AFAP1L2: variants seen among roughly 807,000 people sequenced by gnomAD.
AFAP1L2 encodes actin filament associated protein 1 like 2.
AFAP1L2 carries 46 observed loss-of-function variants against 99.3 expected under a neutral mutation model. That is an observed-to-expected ratio of 0.46 (90% CI 0.37 to 0.59). The LOEUF (loss-of-function observed/expected upper bound fraction) is 0.59. Among genes scored for constraint, AFAP1L2 ranks in the 20% least tolerant of loss-of-function variants. The pLI, the probability that AFAP1L2 is intolerant of heterozygous loss-of-function variation, is 0.00. For synonymous variants in AFAP1L2, 397 were observed against 419.1 expected (o/e 0.95, Z 0.64); for missense variants, 959 against 1,034.9 (o/e 0.93, Z 1.01).
intron 1 of AFAP1L2, among the ~76,000 whole-genome samples, chr10:114,366,972 A>C (rs1415899789): frequency 2.0e-5 from 3 of 152,286 alleles, no homozygotes; most frequent in Admixed American, 6.5e-5. Flanking sequence ...TGTCTCAAAA[A>C]AACAACAACA....
chr10:114,339,315 C>T (rs1052765145), intron 2 of AFAP1L2, among the ~76,000 whole-genome samples: 4 of 152,058 alleles, frequency 2.6e-5, no homozygotes, highest in African/African-American at 9.7e-5. Flanking sequence ...GGCGCAGTGG[C>T]GGGCGCCTGT....
chr10:114,378,831 G>C (rs558921088), intron 1 of AFAP1L2, among the ~76,000 whole-genome samples: 1 of 152,314 alleles, frequency 6.6e-6, no homozygotes, highest in South Asian at 2.1e-4. Context: ...TACCTGTCTA[G>C]CTCCTCCACC....
chr10:114,310,961 C>CCACA (rs1564826988), intron 7 of AFAP1L2, among the ~76,000 whole-genome samples: 1 of 145,330 alleles, frequency 6.9e-6, no homozygotes. Context: ...CGCCACCCAC[C>CCACA]CGCCCGCCCG....
At chr10:114,404,765 C>T (rs2058568261), upstream of AFAP1L2, 11 of 306,752 alleles carry the variant, frequency 3.6e-5, no homozygotes, top group South Asian at 1.2e-3. Flanking sequence ...ACTCCCTTCA[C>T]GTCTTGACTC....
intron 2 of AFAP1L2, among the ~76,000 whole-genome samples, chr10:114,339,282 T>C (rs2048425505): frequency 6.6e-6 from 1 of 151,926 alleles, no homozygotes; most frequent in South Asian, 2.1e-4. Flanking sequence ...CCGTCTCTAC[T>C]AAAAAATATA....
chr10:114,404,609 C>T, upstream of AFAP1L2: 2 of 1,146,290 alleles, frequency 1.7e-6, no homozygotes, highest in Non-Finnish European at 2.2e-6. Flanking sequence ...GTCCTCGGAC[C>T]TGGCCCCCGC....
chr10:114,361,578 AGGACACCTCTGGTGCT>A (rs1441239751), intron 1 of AFAP1L2, among the ~76,000 whole-genome samples: 2 of 152,204 alleles, frequency 1.3e-5, no homozygotes, highest in Non-Finnish European at 2.9e-5. Flanking sequence ...CAGAGAGGCT[AGGACACCTCTGGTGCT>A]GGGTTTGCAA....
At chr10:114,393,933 C>A (rs902319126) in intron 1 of AFAP1L2, among the ~76,000 whole-genome samples, 2 of 152,214 alleles carry the variant, frequency 1.3e-5, no homozygotes, top group African/African-American at 4.8e-5. Flanking sequence ...TTCTCATGCT[C>A]CCCCTGGGAG....
At chr10:114,381,437 T>C (rs1280458527) in intron 1 of AFAP1L2, among the ~76,000 whole-genome samples, 5 of 152,178 alleles carry the variant, frequency 3.3e-5, no homozygotes, top group South Asian at 2.1e-4. Flanking sequence ...AGGTTTTTTA[T>C]TGAGATGATG....
rs368162086 is a variant in AFAP1L2 at position 114,305,258 on chromosome 10, T to C, written c.1073-328A>G. The C allele has an allele frequency of 5.7e-4, 61 of 106,864 alleles. 1 individual carries two copies. The East Asian group carries it at 9.9e-3, about 17-fold the overall frequency. The allele number at this position is 106,864 out of a possible 1,614,324, so 6.6% of individuals were successfully genotyped here. Reference sequence around the variant, plus strand: ...GGGGGCGGGGCTGCGGGAGGAGACGTGGATGTGGGAGGGCACGCGGATGCA... The same window carrying C: ...GGGGGCGGGGCTGCGGGAGGAGACGCGGATGTGGGAGGGCACGCGGATGCA... On this transcript the variant is annotated intron_variant, in intron 10 of 18. Coordinates refer to ENST00000304129, the MANE Select transcript of AFAP1L2 (RefSeq NM_001001936.3).
intron 7 of AFAP1L2, among the ~76,000 whole-genome samples, chr10:114,312,991 C>G (rs1021019160): frequency 1.3e-5 from 2 of 152,056 alleles, no homozygotes; most frequent in East Asian, 1.9e-4. Context: ...TGTTTTACCA[C>G]AGCGGTCCAG....
intron 1 of AFAP1L2, among the ~76,000 whole-genome samples, chr10:114,391,194 C>T (rs918005477): frequency 1.3e-5 from 2 of 152,028 alleles, no homozygotes; most frequent in Non-Finnish European, 2.9e-5. Context: ...GCAAACATTT[C>T]TCATTCAGTT....
intron 1 of AFAP1L2, among the ~76,000 whole-genome samples, chr10:114,368,767 AACACACACAC>A (rs34854872): frequency 0.13 from 18,661 of 140,634 alleles, 1,271 homozygotes; most frequent in Admixed American, 0.19. Flanking sequence ...GTGTCCTTAC[AACACACACAC>A]ACACACACAC....
rs116918534 is a variant in AFAP1L2, at chr10:114,301,051, G to A, written c.1542+303C>T. ...GGTGTGATCATCCCACTCAACAACC[G>A]ATTTGGACCTGGAAGCCTACTGGTA... is the stretch of plus-strand genomic sequence containing the variant. On this transcript the variant is annotated intron_variant, in intron 13 of 18. Coordinates refer to ENST00000304129, the MANE Select transcript of AFAP1L2 (RefSeq NM_001001936.3). Among the ~76,000 whole-genome samples the A allele has an allele frequency of 1.1e-3, 172 of 152,236 alleles. 1 individual carries two copies. The highest frequency in any genetic ancestry group is 2.0e-3 in the Non-Finnish European group (139 of 68,022).
Position 114,377,279 on chromosome 10 carries a change from A to C in AFAP1L2, c.16+27161T>G, listed in dbSNP as rs1295581145. ...TTTTACCAGAGTATCTGGAAAGCCT[A>C]GTAGAAATATTCTGCCTTAAAACCC... On this transcript the variant is annotated intron_variant, in intron 1 of 18. Transcript: ENST00000304129. This position sits in a 1 kb window ranked among gnomAD's most constrained non-coding sequence, Gnocchi z 4.0. Among the ~76,000 whole-genome samples the C allele has an allele frequency of 6.6e-6, 1 of 152,240 alleles. No homozygotes were observed. The highest frequency in any genetic ancestry group is 1.5e-5 in the Non-Finnish European group (1 of 68,040).
At chr10:114,284,923 G>C in the AFAP1L2 span, 6 of 1,605,364 alleles carry the variant, frequency 3.7e-6, no homozygotes, top group Non-Finnish European at 4.2e-6. Context: ...GGACTGGACG[G>C]CTACCAGTGC....
intron 1 of AFAP1L2, among the ~76,000 whole-genome samples, chr10:114,363,574 G>T (rs1001936991): frequency 1.3e-5 from 2 of 152,178 alleles, no homozygotes. Flanking sequence ...GATTTTATTA[G>T]CCAATTGTAA....
At chr10:114,345,472 T>C (rs998393528) in intron 1 of AFAP1L2, among the ~76,000 whole-genome samples, 19 of 152,184 alleles carry the variant, frequency 1.2e-4, no homozygotes, top group African/African-American at 4.6e-4. Flanking sequence ...CATTAGTGCA[T>C]ATGGAATGAT....
At chr10:114,288,788 TG>T in the AFAP1L2 span, 1 of 743,568 alleles carries the variant, frequency 1.3e-6, no homozygotes, top group Non-Finnish European at 2.2e-6. Context: ...TGCTGTTCTG[TG>T]GCTAAAAGGA....
Sources: allele counts gnomAD v4.1 joint callset (sites outside exome capture counted in the v4.1 genomes callset), GRCh38; gene constraint gnomAD v4.1.1; non-coding constraint Gnocchi (gnomAD v3.1); transcripts MANE v1.5; gene names NCBI Gene and HGNC (gene_info 2026-07-23, HGNC 2026-07-21).